The following KAZN variants were observed in gnomAD, a reference collection of about 807,000 sequenced individuals.
KAZN encodes kazrin.
A neutral mutation model predicts 87.4 loss-of-function variants in KAZN; 40 were observed. That is an observed-to-expected ratio of 0.46 (90% CI 0.36 to 0.60). The LOEUF is 0.60. KAZN is among the 20% of genes least tolerant of loss of function. The pLI is 0.00. For synonymous variants in KAZN, 466 were observed against 458.3 expected, an observed-to-expected ratio of 1.02 and a Z score of -0.22; for missense variants, 898 against 1,073.9, an observed-to-expected ratio of 0.84 and a Z score of 2.29.
chr1:14,756,171 A>G (rs1644559509), intron 1 of KAZN, among the ~76,000 whole-genome samples: 1 of 152,146 alleles, frequency 6.6e-6, no homozygotes, highest in South Asian at 2.1e-4. Context: ...TGGCCCAGGT[A>G]TTTCTGACAC....
At chr1:13,930,745 T>C (rs1350317427) in intron 1 of KAZN, among the ~76,000 whole-genome samples, 4 of 152,224 alleles carry the variant, frequency 2.6e-5, no homozygotes, top group African/African-American at 7.2e-5. Flanking sequence ...TGGCCTGGGT[T>C]TTGCAGGATT....
intron 2 of KAZN, among the ~76,000 whole-genome samples, chr1:14,565,283 A>G (rs537332921): frequency 1.3e-5 from 2 of 152,386 alleles, no homozygotes; most frequent in South Asian, 2.1e-4. Context: ...TGAGTCACAC[A>G]AAGTGTTTGT....
At chr1:14,880,502 G>A (rs1653220984) in intron 1 of KAZN, among the ~76,000 whole-genome samples, 1 of 152,142 alleles carries the variant, frequency 6.6e-6, no homozygotes, top group Admixed American at 6.5e-5. Flanking sequence ...AATTAGACAA[G>A]GCTGGGATAG....
At chr1:14,112,007 T>C (rs1022561883) in intron 1 of KAZN, among the ~76,000 whole-genome samples, 2 of 152,226 alleles carry the variant, frequency 1.3e-5, no homozygotes, top group Non-Finnish European at 2.9e-5. Flanking sequence ...CAAAATGCTG[T>C]GATTACAGAC....
chr1:13,922,296 C>T (rs970960748), intron 1 of KAZN, among the ~76,000 whole-genome samples: 5 of 152,086 alleles, frequency 3.3e-5, no homozygotes, highest in Non-Finnish European at 5.9e-5. Flanking sequence ...AGAAAGATCA[C>T]GTATGTATTA....
chr1:14,173,952 A>G (rs2100275317), intron 1 of KAZN, among the ~76,000 whole-genome samples: 1 of 152,386 alleles, frequency 6.6e-6, no homozygotes, highest in Non-Finnish European at 1.5e-5. Context: ...AGACAGAAAT[A>G]TAAAATGTCC....
At chr1:14,557,593 G>T (rs868836173) in intron 2 of KAZN, among the ~76,000 whole-genome samples, 19 of 151,532 alleles carry the variant, frequency 1.3e-4, no homozygotes, top group Middle Eastern at 3.2e-3. Context: ...CTGTGTTAGG[G>T]TTCTCCAGAG....
At chr1:14,277,276 T>C (rs1360333878) in intron 2 of KAZN, among the ~76,000 whole-genome samples, 1 of 152,160 alleles carries the variant, frequency 6.6e-6, no homozygotes, top group African/African-American at 2.4e-5. Flanking sequence ...CACAAATATA[T>C]CTGTATGTAT....
At chr1:14,494,671 CT>C (rs1669849076) in intron 2 of KAZN, among the ~76,000 whole-genome samples, 1 of 152,176 alleles carries the variant, frequency 6.6e-6, no homozygotes, top group Admixed American at 6.5e-5. Flanking sequence ...TACTTCTGAC[CT>C]CCTGAACCAA....
chr1:14,436,877 G>A (rs1277919774), intron 2 of KAZN, among the ~76,000 whole-genome samples: 2 of 150,798 alleles, frequency 1.3e-5, no homozygotes, highest in Admixed American at 1.3e-4. Flanking sequence ...ACTCAGGTCT[G>A]TCTGATTCCA....
chr1:14,156,913 T>TC (rs59467186), intron 1 of KAZN, among the ~76,000 whole-genome samples: 30,441 of 143,090 alleles, frequency 0.21, 3,320 homozygotes, highest in South Asian at 0.33. Context: ...GTCTTTTGTT[T>TC]TTTTTTTTTT....
At chr1:14,781,508 C>G (rs1645349274) in intron 1 of KAZN, among the ~76,000 whole-genome samples, 1 of 152,194 alleles carries the variant, frequency 6.6e-6, no homozygotes, top group Non-Finnish European at 1.5e-5. Context: ...GCAGCCTTTA[C>G]AAATGCAAAC....
chr1:14,380,147 A>C (rs1348505047), intron 2 of KAZN, among the ~76,000 whole-genome samples: 2 of 152,214 alleles, frequency 1.3e-5, no homozygotes, highest in South Asian at 2.1e-4. Flanking sequence ...AGGCTGCAAG[A>C]AGCACATCAC....
At chr1:14,169,582 A>G (rs4662129) in intron 1 of KAZN, among the ~76,000 whole-genome samples, 75,044 of 151,926 alleles carry the variant, frequency 0.49, 19,323 homozygotes, top group African/African-American at 0.65. Context: ...TGAGCCCCCA[A>G]TGCTACCTAG....
chr1:14,290,248 C>A (rs1653577018), intron 2 of KAZN, among the ~76,000 whole-genome samples: 1 of 152,138 alleles, frequency 6.6e-6, no homozygotes, highest in African/African-American at 2.4e-5. Flanking sequence ...GGTATTATCT[C>A]CTGGATAATT....
At chr1:14,727,620 C>T (rs1643461174) in intron 1 of KAZN, among the ~76,000 whole-genome samples, 2 of 151,446 alleles carry the variant, frequency 1.3e-5, no homozygotes, top group South Asian at 2.1e-4. Context: ...GCATGCACCA[C>T]CACGCCTGGC....
At chr1:14,243,527 G>A (rs1322751063) in intron 2 of KAZN, among the ~76,000 whole-genome samples, 1 of 152,174 alleles carries the variant, frequency 6.6e-6, no homozygotes, top group East Asian at 1.9e-4. Flanking sequence ...TCCTTCACAT[G>A]AGTATCTGGG....
Position 14,923,713 on chromosome 1 carries a change from C to T in KAZN, c.227-36971C>T, listed in dbSNP as rs937732954. ...ATGGCCGGTCACACGCAAAGATGAG[C>T]GAAGGAAAGGTCCCGGGGCTGCTCC... is the stretch of plus-strand genomic sequence containing the variant. On this transcript the variant is annotated intron_variant, in intron 1 of 14. Transcript: ENST00000376030. The surrounding 1 kb of genome is among the most constrained non-coding windows in gnomAD (Gnocchi z 4.2). 2.0e-5 allele frequency among the ~76,000 whole-genome samples: 3 copies of T among 152,174 alleles called. No individual in the cohort carries two copies. Among genetic ancestry groups the T allele is most frequent in the African/African-American group, 7.2e-5 (3 of 41,442 alleles).
intron 2 of KAZN, among the ~76,000 whole-genome samples, chr1:14,488,214 C>T (rs1281633171): frequency 6.6e-6 from 1 of 152,144 alleles, no homozygotes; most frequent in Non-Finnish European, 1.5e-5. Flanking sequence ...TTTGGCACAC[C>T]TTCAATACAA....
Sources: allele counts gnomAD v4.1 joint callset (sites outside exome capture counted in the v4.1 genomes callset), GRCh38; gene constraint gnomAD v4.1.1; non-coding constraint Gnocchi (gnomAD v3.1); transcripts MANE v1.5; gene names NCBI Gene and HGNC (gene_info 2026-07-23, HGNC 2026-07-21).